CACNA2D3: variants seen among roughly 807,000 people sequenced by gnomAD.
CACNA2D3 encodes calcium voltage-gated channel auxiliary subunit alpha2delta 3.
In CACNA2D3, 60 loss-of-function variants were observed where a neutral mutation model predicts 160.6. The ratio of observed to expected loss-of-function variants is 0.37; its 90% CI spans 0.30 to 0.46. The LOEUF (loss-of-function observed/expected upper bound fraction) is 0.46. CACNA2D3 is among the 20% of genes least tolerant of loss of function. The probability of loss-of-function intolerance (pLI) is 1.00; values close to 1 mark genes in which losing one functional copy is unlikely to be tolerated. For synonymous variants in CACNA2D3, 558 were observed against 492.9 expected, an observed-to-expected ratio of 1.13 and a Z score of -1.75; for missense variants, 1,205 against 1,365.0, an observed-to-expected ratio of 0.88 and a Z score of 1.85.
chr3:54,883,176 A>ACC (rs1248654530), intron 21 of CACNA2D3, among the ~76,000 whole-genome samples: 1 of 152,046 alleles, frequency 6.6e-6, no homozygotes, highest in African/African-American at 2.4e-5. Flanking sequence ...GGAGCATGCC[A>ACC]CCACGCCCAG....
intron 4 of CACNA2D3, among the ~76,000 whole-genome samples, chr3:54,492,373 C>G (rs151234433): frequency 6.6e-6 from 1 of 152,180 alleles, no homozygotes; most frequent in Non-Finnish European, 1.5e-5. Context: ...CTACTCTGGA[C>G]CAGCTCCTCT....
rs142934946 is a variant in CACNA2D3, at chr3:54,730,920, G to C, written c.1168-21679G>C. On this transcript the variant is annotated intron_variant, in intron 11 of 37. Coordinates refer to ENST00000474759, the MANE Select transcript of CACNA2D3 (RefSeq NM_018398.3). ...TAATTTAAATTCTCTTTAAACACATGTTTTGGGTTGATTTTCTAATTTGAA... is the reference window on the plus strand; with the variant it reads ...TAATTTAAATTCTCTTTAAACACATCTTTTGGGTTGATTTTCTAATTTGAA... 5.1e-3 allele frequency among the ~76,000 whole-genome samples: 784 copies of C among 152,310 alleles called. 8 individuals carry two copies. Among genetic ancestry groups the C allele is most frequent in the African/African-American group, 0.018 (748 of 41,556 alleles).
rs555682446 is a variant in CACNA2D3 at position 54,333,636 on chromosome 3, G to T, written c.321+13078G>T. On this transcript the variant is annotated intron_variant, in intron 3 of 37. Transcript: ENST00000474759. ...GTGAAGCCCCCGGGGCAGCACTCAGGGGGAGGGAGCTGGGAAGTGCAGCCG... is the reference window on the plus strand; with the variant it reads ...GTGAAGCCCCCGGGGCAGCACTCAGTGGGAGGGAGCTGGGAAGTGCAGCCG... Among the ~76,000 whole-genome samples the T allele has an allele frequency of 1.4e-4, 21 of 151,776 alleles. No individual in the cohort carries two copies. In the East Asian group the frequency reaches 2.2e-3, roughly 16 times the overall value.
intron 16 of CACNA2D3, among the ~76,000 whole-genome samples, chr3:54,841,643 C>T (rs888402515): frequency 5.9e-5 from 9 of 152,228 alleles, no homozygotes; most frequent in Admixed American, 3.9e-4. Flanking sequence ...GGGGTTTTCC[C>T]AGAAGATAGA....
chr3:54,648,999 A>G (rs897096257), intron 11 of CACNA2D3, among the ~76,000 whole-genome samples: 5 of 152,206 alleles, frequency 3.3e-5, no homozygotes, highest in African/African-American at 4.8e-5. Flanking sequence ...TTGGTGGTCA[A>G]ATTCCAACAT....
intron 5 of CACNA2D3, among the ~76,000 whole-genome samples, chr3:54,521,842 T>C (rs1461626258): frequency 6.6e-6 from 1 of 152,226 alleles, no homozygotes; most frequent in Non-Finnish European, 1.5e-5. Context: ...AAGCGAGTCA[T>C]GATTCCCTTG....
intron 13 of CACNA2D3, among the ~76,000 whole-genome samples, chr3:54,808,503 C>T (rs945109141): frequency 4.6e-5 from 7 of 152,050 alleles, no homozygotes; most frequent in East Asian, 1.9e-4. Flanking sequence ...TGAAAAGTCT[C>T]GATTAGACTA....
intron 2 of CACNA2D3, among the ~76,000 whole-genome samples, chr3:54,131,516 G>T (rs1432122732): frequency 1.3e-5 from 2 of 152,202 alleles, no homozygotes; most frequent in African/African-American, 2.4e-5. Context: ...TAATCCCGAT[G>T]CCCCCTTGGG....
intron 30 of CACNA2D3, among the ~76,000 whole-genome samples, chr3:54,986,300 C>T (rs549252007): frequency 5.9e-5 from 9 of 152,232 alleles, no homozygotes; most frequent in East Asian, 5.8e-4. Flanking sequence ...AATAAGCCTG[C>T]GATAGACCCA....
At chr3:54,193,783 T>C (rs1701023465) in intron 2 of CACNA2D3, among the ~76,000 whole-genome samples, 1 of 152,174 alleles carries the variant, frequency 6.6e-6, no homozygotes, top group African/African-American at 2.4e-5. Flanking sequence ...GAGTGTCAGC[T>C]CCATGGCCTG....
At chr3:54,831,719 T>C (rs1703882177) in intron 14 of CACNA2D3, among the ~76,000 whole-genome samples, 1 of 152,216 alleles carries the variant, frequency 6.6e-6, no homozygotes, top group African/African-American at 2.4e-5. Flanking sequence ...TTGGCCTTTT[T>C]GGCCTCAGAA....
intron 11 of CACNA2D3, among the ~76,000 whole-genome samples, chr3:54,715,003 T>C (rs1434444120): frequency 6.6e-6 from 1 of 152,208 alleles, no homozygotes; most frequent in South Asian, 2.1e-4. Context: ...CTCCAGTAGA[T>C]ACGATACCAG....
chr3:54,859,100 A>G (rs1342030981), intron 17 of CACNA2D3, among the ~76,000 whole-genome samples: 1 of 152,126 alleles, frequency 6.6e-6, no homozygotes, highest in Non-Finnish European at 1.5e-5. Flanking sequence ...AGTAGACCCA[A>G]CCTCGCGGGG....
At chr3:54,749,347 A>G (rs1701815213) in intron 11 of CACNA2D3, among the ~76,000 whole-genome samples, 1 of 152,212 alleles carries the variant, frequency 6.6e-6, no homozygotes, top group South Asian at 2.1e-4. Context: ...TTAGAATTTA[A>G]CAGTTTTTGA....
At chr3:54,866,091 G>A (rs1273982741) in intron 17 of CACNA2D3, among the ~76,000 whole-genome samples, 1 of 151,900 alleles carries the variant, frequency 6.6e-6, no homozygotes, top group Non-Finnish European at 1.5e-5. Context: ...AAGAACATGA[G>A]GGTGGGAGCT....
intron 27 of CACNA2D3, 105 bp from the exon 28 acceptor site, chr3:54,968,345 A>G: frequency 1.4e-6 from 1 of 726,168 alleles, no homozygotes; most frequent in Non-Finnish European, 2.4e-6. Context: ...TTTATTTTAT[A>G]TGCTTATATC....
intron 27 of CACNA2D3, among the ~76,000 whole-genome samples, chr3:54,941,745 T>G (rs1425618919): frequency 1.3e-5 from 2 of 152,192 alleles, no homozygotes; most frequent in Non-Finnish European, 2.9e-5. Flanking sequence ...AGGGTTCGCA[T>G]GGATGTCTTT....
chr3:54,774,620 T>G (rs1046954277), intron 13 of CACNA2D3, among the ~76,000 whole-genome samples: 10 of 148,090 alleles, frequency 6.8e-5, no homozygotes, highest in African/African-American at 2.5e-4. Context: ...TTTGACTTGC[T>G]CTTTGACTAT....
chr3:54,968,956 G>A (rs970016068), intron 28 of CACNA2D3, among the ~76,000 whole-genome samples: 1 of 152,140 alleles, frequency 6.6e-6, no homozygotes, highest in Non-Finnish European at 1.5e-5. Flanking sequence ...GAGAATCTGG[G>A]AACATTGTTT....
Sources: allele counts gnomAD v4.1 joint callset (sites outside exome capture counted in the v4.1 genomes callset), GRCh38; gene constraint gnomAD v4.1.1; transcripts MANE v1.5; gene names NCBI Gene and HGNC (gene_info 2026-07-23, HGNC 2026-07-21).